The following KCNQ3 variants were observed in gnomAD, a reference collection of about 807,000 sequenced individuals.
The protein encoded by KCNQ3 is potassium voltage-gated channel subfamily KQT member 3.
KCNQ3 carries 30 observed loss-of-function variants against 92.5 expected under a neutral mutation model. That is an observed-to-expected ratio of 0.32 (90% confidence interval 0.24 to 0.44). The LOEUF (loss-of-function observed/expected upper bound fraction) is 0.44. Ranked by LOEUF, KCNQ3 falls within the 20% of genes least tolerant of loss-of-function variation. The pLI is 1.00. For missense variants in KCNQ3, 913 were observed against 1,140.3 expected (o/e 0.80, Z 2.87); for synonymous variants, 450 against 468.8 (o/e 0.96, Z 0.52).
intron 1 of KCNQ3, among the ~76,000 whole-genome samples, chr8:132,464,807 C>T (rs1269903101): frequency 1.3e-5 from 2 of 152,180 alleles, no homozygotes; most frequent in Non-Finnish European, 1.5e-5. Flanking sequence ...TATTTATTCA[C>T]CTATTTGACC....
At chr8:132,447,092 G>T (rs1821698366) in intron 1 of KCNQ3, 1 of 950,648 alleles carries the variant, frequency 1.1e-6, no homozygotes, top group Non-Finnish European at 1.6e-6. Flanking sequence ...ATCAGACTTG[G>T]TCCCCAAATA....
chr8:132,450,311 G>A (rs1821792210), intron 1 of KCNQ3, among the ~76,000 whole-genome samples: 1 of 152,180 alleles, frequency 6.6e-6, no homozygotes, highest in Non-Finnish European at 1.5e-5. Context: ...ACAGAGTGCT[G>A]ATTGTGCATT....
At chr8:132,331,587 A>C (rs2130662236) in intron 1 of KCNQ3, among the ~76,000 whole-genome samples, 1 of 151,420 alleles carries the variant, frequency 6.6e-6, no homozygotes, top group Middle Eastern at 3.4e-3. Flanking sequence ...TTCTCTTCTG[A>C]TTTCTCCTCT....
At chr8:132,256,442 A>G (rs1269474444) in intron 1 of KCNQ3, among the ~76,000 whole-genome samples, 5 of 152,178 alleles carry the variant, frequency 3.3e-5, no homozygotes, top group Non-Finnish European at 1.5e-5. Context: ...AAAGTATTTG[A>G]AGAAATATGG....
intron 1 of KCNQ3, among the ~76,000 whole-genome samples, chr8:132,417,267 G>A (rs1820841234): frequency 6.6e-6 from 1 of 152,212 alleles, no homozygotes; most frequent in Non-Finnish European, 1.5e-5. Flanking sequence ...TCCAACTAAG[G>A]AGGCCAGGGG....
At chr8:132,157,301 C>T (rs920348041) in intron 9 of KCNQ3, among the ~76,000 whole-genome samples, 1 of 152,168 alleles carries the variant, frequency 6.6e-6, no homozygotes, top group Non-Finnish European at 1.5e-5. Context: ...ATAAGGAGGA[C>T]CATCTTTTCC....
chr8:132,392,769 G>A (rs1298665593), intron 1 of KCNQ3, among the ~76,000 whole-genome samples: 1 of 113,246 alleles, frequency 8.8e-6, no homozygotes, highest in Non-Finnish European at 1.7e-5. Flanking sequence ...TCCAGCCTTG[G>A]GAACAAAGCA....
intron 1 of KCNQ3, among the ~76,000 whole-genome samples, chr8:132,455,188 C>T (rs1267116112): frequency 1.3e-5 from 2 of 152,106 alleles, no homozygotes; most frequent in Admixed American, 6.5e-5. Context: ...GTGACTGCAA[C>T]CTCCACCCCT....
Position 132,452,601 on chromosome 8 carries a change from C to A in KCNQ3, c.386+27546G>T, listed in dbSNP as rs574502132. Among the ~76,000 whole-genome samples, 102 of 152,306 alleles carry A rather than the reference C, an allele frequency of 6.7e-4. 1 individual carries two copies. The Middle Eastern group carries it at 0.014, about 20-fold the overall frequency. The stretch of plus-strand genomic sequence containing the variant: ...GCTGAGCATCTTGCTATTACTCCTT[C>A]CACTGGCCAAGGGAACCACAGAAGA... On this transcript the variant is annotated intron_variant, in intron 1 of 14. Coordinates refer to ENST00000388996, the MANE Select transcript of KCNQ3 (RefSeq NM_004519.4).
At chr8:132,246,037 G>A (rs767751479) in intron 1 of KCNQ3, among the ~76,000 whole-genome samples, 63 of 152,112 alleles carry the variant, frequency 4.1e-4, no homozygotes, top group Non-Finnish European at 7.5e-4. Flanking sequence ...ACACAGAAAC[G>A]AGAAGGCTTT....
intron 9 of KCNQ3, 77 bp downstream of exon 9, chr8:132,163,391 G>T: frequency 8.3e-7 from 1 of 1,209,840 alleles, no homozygotes; most frequent in Non-Finnish European, 1.2e-6. Flanking sequence ...CTCCCATGGG[G>T]CCCTACACCA....
intron 1 of KCNQ3, among the ~76,000 whole-genome samples, chr8:132,428,511 A>G (rs1174337029): frequency 6.6e-6 from 1 of 152,194 alleles, no homozygotes; most frequent in Admixed American, 6.5e-5. Context: ...TGCCCCCAGA[A>G]CCCAGGAGAA....
chr8:132,235,954 G>T (rs78689819), intron 1 of KCNQ3, among the ~76,000 whole-genome samples: 1 of 152,194 alleles, frequency 6.6e-6, no homozygotes, highest in African/African-American at 2.4e-5. Flanking sequence ...TGCTCTTGGC[G>T]GGAGTGGGCT....
chr8:132,130,130 T>C, intron 14 of KCNQ3, 134 bp from the exon 15 acceptor site: 1 of 1,042,038 alleles, frequency 9.6e-7, no homozygotes, highest in Non-Finnish European at 1.4e-6. Flanking sequence ...TCACCCAGGC[T>C]GGAGTGCAGT....
At chr8:132,327,376 T>C (rs1818091399) in intron 1 of KCNQ3, among the ~76,000 whole-genome samples, 1 of 152,200 alleles carries the variant, frequency 6.6e-6, no homozygotes, top group Non-Finnish European at 1.5e-5. Context: ...ATCCCTACTG[T>C]ACAGATGAAG....
intron 1 of KCNQ3, among the ~76,000 whole-genome samples, chr8:132,439,815 T>A (rs560586320): frequency 2.0e-5 from 3 of 152,296 alleles, no homozygotes; most frequent in South Asian, 2.1e-4. Flanking sequence ...GAGACCTATT[T>A]TGGACTTCTG....
At chr8:132,142,920 G>A (rs1825342748) in intron 9 of KCNQ3, among the ~76,000 whole-genome samples, 1 of 152,186 alleles carries the variant, frequency 6.6e-6, no homozygotes, top group Non-Finnish European at 1.5e-5. Context: ...GTCCTCGTCT[G>A]TCATGGCGGC....
intron 1 of KCNQ3, among the ~76,000 whole-genome samples, chr8:132,245,856 T>C (rs187009536): frequency 1.0e-3 from 153 of 152,344 alleles, no homozygotes; most frequent in Middle Eastern, 3.4e-3. Context: ...TATCCACTAG[T>C]TAGACCGTGA....
intron 1 of KCNQ3, among the ~76,000 whole-genome samples, chr8:132,222,162 T>C (rs540452572): frequency 5.9e-5 from 9 of 152,260 alleles, no homozygotes; most frequent in Admixed American, 5.2e-4. Flanking sequence ...TTGCAATCTA[T>C]CCATCTGACA....
Sources: gnomAD v4.1 joint callset for allele counts (sites outside exome capture counted in the v4.1 genomes callset) on GRCh38, gnomAD v4.1.1 for gene constraint, MANE v1.5 for transcripts, NCBI Gene and HGNC (gene_info 2026-07-23, HGNC 2026-07-21) for gene names.